FMO2: variants seen among roughly 807,000 people sequenced by gnomAD.
FMO2 encodes the protein flavin containing dimethylaniline monoxygenase 2.
In FMO2, 33 loss-of-function variants were observed where a neutral mutation model predicts 41.6. The observed-to-expected ratio is 0.79, with a 90% CI of 0.60 to 1.06. FMO2 has a LOEUF of 1.06. Among genes scored for constraint, FMO2 ranks in the 50% least tolerant of loss-of-function variants. The pLI, the probability that FMO2 is intolerant of heterozygous loss-of-function variation, is 0.00. For missense variants in FMO2, 619 were observed against 632.9 expected (o/e 0.98, Z 0.23); for synonymous variants, 214 against 219.6 (o/e 0.97, Z 0.23).
At chr1:171,203,522 T>A (rs1249727711) in intron 5 of FMO2, among the ~76,000 whole-genome samples, 4 of 152,010 alleles carry the variant, frequency 2.6e-5, no homozygotes, top group Non-Finnish European at 4.4e-5. Context: ...GAAACTTAGG[T>A]GAGTGGAAAA....
rs758555698 is a variant in FMO2, at chr1:171,207,694, T to A, written c.1184-24T>A. The A allele has an allele frequency of 1.4e-5, 21 of 1,536,450 alleles. No individual in the cohort carries two copies. The Admixed American group carries it at 3.8e-4, about 27-fold the overall frequency. On this transcript the variant is annotated intron_variant, in intron 7 of 8. Coordinates refer to ENST00000209929, the MANE Select transcript of FMO2 (RefSeq NM_001460.5). ...AATGATATTGACTCAAACTTACTATTCAAACCAACCTTTTATTCCTTAGGC... is the reference window on the plus strand; with the variant it reads ...AATGATATTGACTCAAACTTACTATACAAACCAACCTTTTATTCCTTAGGC...
intron 2 of FMO2, among the ~76,000 whole-genome samples, chr1:171,187,112 A>T (rs778509818): frequency 6.6e-6 from 1 of 152,242 alleles, no homozygotes; most frequent in Non-Finnish European, 1.5e-5. Flanking sequence ...TGGCCTTCAA[A>T]CCACGGCCTA....
Position 171,206,665 on chromosome 1 carries a change from C to T in FMO2, c.1183+1031C>T, listed in dbSNP as rs890762690. Among the ~76,000 whole-genome samples, 4 of 152,066 alleles carry T rather than the reference C, an allele frequency of 2.6e-5. No individual in the cohort carries two copies. The East Asian group carries it at 5.8e-4, about 22-fold the overall frequency. On this transcript the variant is annotated intron_variant, in intron 7 of 8. Coordinates refer to ENST00000209929, the MANE Select transcript of FMO2 (RefSeq NM_001460.5). ...CTGCATTTTAGAAAGCTCTTCAGCC[C>T]GGGGCACCAATGAAGGGTTATAAGC...
chr1:171,185,996 A>G, intron 2 of FMO2, 151 bp downstream of exon 2: 2 of 824,200 alleles, frequency 2.4e-6, no homozygotes, highest in Non-Finnish European at 3.7e-6. Context: ...AACTGAAGTC[A>G]TAGGCTGGCA....
chr1:171,199,716 C>A (rs2102000038), intron 5 of FMO2, among the ~76,000 whole-genome samples: 1 of 152,264 alleles, frequency 6.6e-6, no homozygotes, highest in East Asian at 1.9e-4. Context: ...TGGGAGATGG[C>A]TCCCTCATTT....
In FMO2 at chr1:171,203,978, G is replaced by T; in HGVS notation, c.741G>T (p.Leu247=). The change falls in exon 6 of 9, where the codon CTG becomes CTT. Residue 247 remains leucine (L), a synonymous_variant. Transcript: ENST00000209929. ...TRFRSMLRNV[L]PRTAVKWMIE... ...TTCGTTCTATGCTCCGCAATGTACT[G>T]CCACGAACAGCTGTAAAATGGATGA... 6.2e-7 allele frequency: 1 copy of T among 1,613,750 alleles called. No homozygotes were observed. Among genetic ancestry groups the T allele is most frequent in the Non-Finnish European group, 8.5e-7 (1 of 1,179,760 alleles).
chr1:171,195,611 C>G (rs1426315038), intron 3 of FMO2, among the ~76,000 whole-genome samples: 1 of 152,072 alleles, frequency 6.6e-6, no homozygotes, highest in African/African-American at 2.4e-5. Context: ...AATTACCAAC[C>G]CAGCAGTTGG....
chr1:171,197,129 C>T (rs1036469761), intron 4 of FMO2, among the ~76,000 whole-genome samples: 3 of 152,244 alleles, frequency 2.0e-5, no homozygotes, highest in Non-Finnish European at 2.9e-5. Flanking sequence ...CCTTTTTCTA[C>T]CCTGCCAAAC....
chr1:171,209,136 A>G lies in FMO2; in HGVS notation c.1599A>G (p.Gln533=), dbSNP rs1441568982. Residue 533 remains glutamine, a synonymous_variant, in exon 9 of 9, where the codon CAA becomes CAG. Coordinates refer to ENST00000209929, the MANE Select transcript of FMO2 (RefSeq NM_001460.5). ...AVVVAFFCQL[Q]WS is the part of the protein sequence containing the mutation. The stretch of plus-strand genomic sequence containing the variant: ...TTGTGGCCTTTTTTTGCCAACTTCA[A>G]TGGTCCTAGTCAGCATAATGCTTTG... 7 of 609,258 alleles carry G rather than the reference A, an allele frequency of 1.1e-5. No homozygotes were observed. The highest frequency in any genetic ancestry group is 2.8e-5 in the East Asian group (1 of 35,918). 37.7% of individuals were successfully genotyped at this position (609,258 alleles called of 1,614,324 possible).
Position 171,196,728 on chromosome 1 carries a change from A to T in FMO2, c.401A>T (p.Lys134Met), listed in dbSNP as rs766360649. The T allele has an allele frequency of 1.2e-5, 20 of 1,613,710 alleles. No homozygotes were observed. The South Asian group carries it at 2.0e-4, about 16-fold the overall frequency. ...QWKVVTQSNG[K>M]EQSAVFDAVM... ...AAGGTTGTCACTCAGAGCAACGGCA[A>T]GGAGCAGAGTGCTGTCTTTGACGCA... The change falls in exon 4 of 9, where the codon AAG becomes ATG. Residue 134 changes from lysine to methionine, a missense_variant. Transcript: ENST00000209929.
In FMO2 at chr1:171,211,394, T is replaced by C. The variant is rs1203534432; in HGVS notation, c.*2249T>C. On this transcript the variant is annotated 3_prime_UTR_variant, in exon 9 of 9. Coordinates refer to ENST00000209929, the MANE Select transcript of FMO2 (RefSeq NM_001460.5). ...TTCCTGCTTTATAATATGTAAGGCA[T>C]TGTCCCATTTTGCATAACTTGCCTT... 6.6e-6 allele frequency among the ~76,000 whole-genome samples: 1 copy of C among 152,346 alleles called. No homozygotes were observed. Among genetic ancestry groups the C allele is most frequent in the African/African-American group, 2.4e-5 (1 of 41,596 alleles).
intron 3 of FMO2, among the ~76,000 whole-genome samples, chr1:171,195,535 T>C (rs930944555): frequency 1.3e-5 from 2 of 152,212 alleles, no homozygotes; most frequent in African/African-American, 4.8e-5. Context: ...TGCCCAGATA[T>C]TTAAAGCCCT....
rs1271378590 is a variant in FMO2, at chr1:171,210,197, C to G, written c.*1052C>G. The G allele has an allele frequency of 1.3e-5, 2 of 152,070 alleles. No individual in the cohort carries two copies. Among genetic ancestry groups the G allele is most frequent in the Admixed American group, 6.6e-5 (1 of 15,260 alleles). 9.4% of individuals were successfully genotyped at this position (152,070 alleles called of 1,614,324 possible). ...TTATAATTTTTGATTTATATTTCAG[C>G]TAGATCTAAAAAGCATCTGAAGGAA... On this transcript the variant is annotated 3_prime_UTR_variant, in exon 9 of 9. Coordinates refer to ENST00000209929, the MANE Select transcript of FMO2 (RefSeq NM_001460.5).
At chr1:171,193,281 A>T in intron 2 of FMO2, 54 bp from the exon 3 acceptor site, 1 of 1,410,534 alleles carries the variant, frequency 7.1e-7, no homozygotes, top group South Asian at 1.3e-5. Context: ...AGAGTAAAAA[A>T]CAAAAAATTT....
At chr1:171,192,185 A>G (rs1048600119) in intron 2 of FMO2, among the ~76,000 whole-genome samples, 4 of 152,220 alleles carry the variant, frequency 2.6e-5, no homozygotes, top group Non-Finnish European at 5.9e-5. Context: ...TAGTTTACAC[A>G]TCAGTTTGAC....
intron 6 of FMO2, among the ~76,000 whole-genome samples, chr1:171,204,681 G>A (rs552396854): frequency 5.3e-5 from 8 of 151,938 alleles, no homozygotes; most frequent in South Asian, 2.1e-4. Flanking sequence ...GCCACGTATC[G>A]TCTATTAAAA....
chr1:171,210,936 A>T lies in FMO2; in HGVS notation c.*1791A>T, dbSNP rs1658956010. On this transcript the variant is annotated 3_prime_UTR_variant, in exon 9 of 9. Transcript: ENST00000209929. ...GGAATGTCAGTCAGTCTCTGTAGTT[A>T]AAACTTTTTCTTTAAAATTCAATTA... The T allele has an allele frequency of 6.6e-6, 1 of 151,718 alleles. No individual in the cohort carries two copies. Among genetic ancestry groups the T allele is most frequent in the African/African-American group, 2.4e-5 (1 of 41,222 alleles). 9.4% of individuals were successfully genotyped at this position (151,718 alleles called of 1,614,324 possible).
intron 3 of FMO2, among the ~76,000 whole-genome samples, chr1:171,195,483 A>G (rs781056695): frequency 1.3e-5 from 2 of 152,210 alleles, no homozygotes; most frequent in Non-Finnish European, 2.9e-5. Flanking sequence ...TTAATATACT[A>G]CTTTGAACTA....
intron 7 of FMO2, among the ~76,000 whole-genome samples, chr1:171,207,348 T>C (rs1393866110): frequency 6.6e-6 from 1 of 152,146 alleles, no homozygotes; most frequent in Non-Finnish European, 1.5e-5. Context: ...AGACAGATCT[T>C]TCCAAAAAAT....
Sources: gnomAD v4.1 joint callset for allele counts (sites outside exome capture counted in the v4.1 genomes callset) on GRCh38, gnomAD v4.1.1 for gene constraint, MANE v1.5 for transcripts, NCBI Gene and HGNC (gene_info 2026-07-23, HGNC 2026-07-21) for gene names.